The following EXOC5 variants were observed in gnomAD, a reference collection of about 807,000 sequenced individuals.
EXOC5 encodes the protein SEC10-like 1.
EXOC5 carries 17 observed loss-of-function variants against 90.8 expected under a neutral mutation model. The ratio of observed to expected loss-of-function variants is 0.19; its 90% confidence interval spans 0.13 to 0.28. The LOEUF (loss-of-function observed/expected upper bound fraction) is 0.28. Among genes scored for constraint, EXOC5 ranks in the 10% least tolerant of loss-of-function variants. The pLI is 1.00. For missense variants in EXOC5, 569 were observed against 830.6 expected, an observed-to-expected ratio of 0.69 and a Z score of 3.87; for synonymous variants, 260 against 270.0, an observed-to-expected ratio of 0.96 and a Z score of 0.36.
intron 1 of EXOC5, among the ~76,000 whole-genome samples, chr14:57,266,241 A>G (rs1328451377): frequency 1.3e-5 from 2 of 152,222 alleles, no homozygotes; most frequent in Non-Finnish European, 2.9e-5. Context: ...GGACTAAGAA[A>G]GGGAAGCAGG....
chr14:57,262,594 A>G (rs1401755145), intron 1 of EXOC5, among the ~76,000 whole-genome samples: 1 of 147,412 alleles, frequency 6.8e-6, no homozygotes, highest in Non-Finnish European at 1.5e-5. Flanking sequence ...ATATACACAT[A>G]TATTAAGTAT....
chr14:57,247,452 G>GA (rs1397389810), intron 2 of EXOC5, among the ~76,000 whole-genome samples, 166 bp downstream of exon 2: 17 of 151,980 alleles, frequency 1.1e-4, no homozygotes, highest in Non-Finnish European at 1.9e-4. Context: ...GAACGTCAAA[G>GA]AAAAAATCTC....
At position 57,233,851 on chromosome 14, in the gene EXOC5, G is replaced by A. The variant is rs375225583; in HGVS notation, c.747C>T (p.Asp249=). 73 of 1,609,794 alleles carry A rather than the reference G, an allele frequency of 4.5e-5. No homozygotes were observed. The South Asian group carries it at 5.4e-4, about 12-fold the overall frequency. Reference sequence around the variant, plus strand: ...TCACTCTTTGACAGAGTATTCCAGCGTCTTCAAATATATCATTTCTCAAAT... The same window carrying A: ...TCACTCTTTGACAGAGTATTCCAGCATCTTCAAATATATCATTTCTCAAAT... ...GAYLRNDIFE[D]AGILCQRVNK... The change falls in exon 9 of 18, where the codon GAC becomes GAT. Residue 249 remains aspartate (D), a synonymous_variant. Coordinates refer to ENST00000621441, the MANE Select transcript of EXOC5 (RefSeq NM_006544.4).
chr14:57,253,672 G>GTGAACA (rs879358949), intron 1 of EXOC5, among the ~76,000 whole-genome samples: 1 of 152,070 alleles, frequency 6.6e-6, no homozygotes, highest in Admixed American at 6.6e-5. Context: ...TACAGAACAA[G>GTGAACA]TGAACAGAAT....
intron 13 of EXOC5, among the ~76,000 whole-genome samples, chr14:57,221,929 A>G (rs866118134): frequency 6.6e-6 from 1 of 152,106 alleles, no homozygotes. Flanking sequence ...TTTTAATTTG[A>G]ATCTATTTTT....
intron 12 of EXOC5, among the ~76,000 whole-genome samples, chr14:57,228,592 A>C (rs1883382066): frequency 6.6e-6 from 1 of 151,932 alleles, no homozygotes; most frequent in African/African-American, 2.4e-5. Context: ...TTCTCAGCAA[A>C]CTAGCACAGG....
chr14:57,263,158 G>C (rs11845386), intron 1 of EXOC5, among the ~76,000 whole-genome samples: 5,218 of 152,220 alleles, frequency 0.034, 307 homozygotes, highest in African/African-American at 0.12. Flanking sequence ...CTTGCATGAG[G>C]TATAAAAAGC....
chr14:57,222,391 C>T lies in EXOC5; in HGVS notation c.1322G>A (p.Arg441Lys). ...AATGGTAAAAATTCTGAAGGCATTC[C>T]TTGGTAAGTCAGAAGGATCAGAGAG... ...HRLSDPSDLP[R>K]NAFRIFTILV... Residue 441 changes from arginine (R) to lysine (K), a missense_variant, in exon 13 of 18, where the codon AGG becomes AAG. Physicochemically the swap from Arg to Lys is conservative, Grantham distance 26. Coordinates refer to ENST00000621441, the MANE Select transcript of EXOC5 (RefSeq NM_006544.4). 3 of 1,595,424 alleles carry T rather than the reference C, an allele frequency of 1.9e-6. No homozygotes were observed. The highest frequency in any genetic ancestry group is 1.7e-6 in the Non-Finnish European group (2 of 1,167,732).
Position 57,238,975 on chromosome 14 carries a change from A to C in EXOC5, c.530+620T>G, listed in dbSNP as rs77488580. Among the ~76,000 whole-genome samples, 750 of 152,192 alleles carry C rather than the reference A, an allele frequency of 4.9e-3. 9 individuals are homozygous for C. The highest frequency in any genetic ancestry group is 0.017 in the African/African-American group (703 of 41,532). On this transcript the variant is annotated intron_variant, in intron 5 of 17. Coordinates refer to ENST00000621441, the MANE Select transcript of EXOC5 (RefSeq NM_006544.4). Reference sequence around the variant, plus strand: ...ATACACTAGAAGAAATCATGAAAAAATTTCCTTCTCAGTGGATAGTTTATT... The same window carrying C: ...ATACACTAGAAGAAATCATGAAAAACTTTCCTTCTCAGTGGATAGTTTATT...
intron 7 of EXOC5, among the ~76,000 whole-genome samples, chr14:57,234,384 C>G (rs1883586125): frequency 6.6e-6 from 1 of 151,552 alleles, no homozygotes; most frequent in Admixed American, 6.6e-5. Flanking sequence ...CACCCACCCA[C>G]ACACATACAC....
At chr14:57,255,072 A>C (rs923940051) in intron 1 of EXOC5, among the ~76,000 whole-genome samples, 3 of 152,204 alleles carry the variant, frequency 2.0e-5, no homozygotes, top group Admixed American at 2.0e-4. Flanking sequence ...TAAGCAACCA[A>C]GTAGAAAAAA....
intron 10 of EXOC5, 118 bp from the exon 11 acceptor site, chr14:57,231,833 T>G: frequency 1.5e-6 from 1 of 656,812 alleles, no homozygotes; most frequent in South Asian, 2.0e-5. Flanking sequence ...CACCATTTCT[T>G]AAACTCTGGG....
At chr14:57,248,064 C>A (rs1397693872) in intron 1 of EXOC5, among the ~76,000 whole-genome samples, 1 of 148,722 alleles carries the variant, frequency 6.7e-6, no homozygotes, top group African/African-American at 2.5e-5. Context: ...CAAATAAGAT[C>A]AAATTATCCT....
intron 1 of EXOC5, among the ~76,000 whole-genome samples, chr14:57,261,870 T>C (rs1208677099): frequency 1.3e-5 from 2 of 152,176 alleles, no homozygotes; most frequent in Non-Finnish European, 2.9e-5. Context: ...TTACCTAACC[T>C]TGCAAATCAC....
intron 1 of EXOC5, among the ~76,000 whole-genome samples, chr14:57,267,102 TA>T (rs1884692911): frequency 1.3e-5 from 2 of 152,046 alleles, no homozygotes; most frequent in African/African-American, 4.8e-5. Context: ...ATGTGAAAAA[TA>T]AAACAAGGAA....
At chr14:57,245,524 T>A (rs919179650) in intron 3 of EXOC5, among the ~76,000 whole-genome samples, 4 of 152,278 alleles carry the variant, frequency 2.6e-5, no homozygotes, top group African/African-American at 9.6e-5. Flanking sequence ...TAACTATTAT[T>A]ATTATTACCA....
intron 12 of EXOC5, among the ~76,000 whole-genome samples, chr14:57,222,697 C>CATATATAT (rs145170163): frequency 6.9e-6 from 1 of 145,210 alleles, no homozygotes; most frequent in Non-Finnish European, 1.5e-5. Context: ...TGTATACCCC[C>CATATATAT]ATATATATAT....
chr14:57,258,895 G>C (rs1322247085), intron 1 of EXOC5, among the ~76,000 whole-genome samples: 1 of 151,858 alleles, frequency 6.6e-6, no homozygotes, highest in Non-Finnish European at 1.5e-5. Context: ...CCCCAGCCTA[G>C]GTAAAAAAAA....
At chr14:57,240,313 A>G (rs1883821710) in intron 4 of EXOC5, among the ~76,000 whole-genome samples, 1 of 151,646 alleles carries the variant, frequency 6.6e-6, no homozygotes, top group Non-Finnish European at 1.5e-5. Flanking sequence ...TGTAAAGCAC[A>G]GATATCTCTT....
Sources: gnomAD v4.1 joint callset for allele counts (sites outside exome capture counted in the v4.1 genomes callset) on GRCh38, gnomAD v4.1.1 for gene constraint, MANE v1.5 for transcripts, NCBI Gene and HGNC (gene_info 2026-07-23, HGNC 2026-07-21) for gene names.